The following ADCK5 variants were observed in gnomAD, a reference collection of about 807,000 sequenced individuals.
ADCK5 encodes the protein uncharacterized aarF domain-containing protein kinase 5.
ADCK5 carries 43 observed loss-of-function variants against 64.9 expected under a neutral mutation model. That is an observed-to-expected ratio of 0.66 (90% CI 0.52 to 0.85). The LOEUF (loss-of-function observed/expected upper bound fraction) is 0.85, where lower values mean the gene tolerates loss of function less well. ADCK5 is among the 40% of genes least tolerant of loss of function. The probability of loss-of-function intolerance (pLI) is 0.00; values close to 1 mark genes in which losing one functional copy is unlikely to be tolerated. For missense variants in ADCK5, 760 were observed against 810.5 expected (o/e 0.94, Z 0.76); for synonymous variants, 434 against 342.8 (o/e 1.27, Z -2.94).
At chr8:144,380,214 G>C (rs1586577710) in intron 2 of ADCK5, among the ~76,000 whole-genome samples, 1 of 151,776 alleles carries the variant, frequency 6.6e-6, no homozygotes, top group Admixed American at 6.6e-5. Flanking sequence ...TCAGGCACCT[G>C]CTGCACTAAG....
At chr8:144,392,207 C>T (rs1554861050) in intron 11 of ADCK5, 37 bp downstream of exon 11, 1 of 1,548,796 alleles carries the variant, frequency 6.5e-7, no homozygotes. Context: ...CAGGGCAAGC[C>T]TCTCCTGCCG....
At chr8:144,373,172 C>T (rs576130749), upstream of ADCK5, 24 of 152,642 alleles carry the variant, frequency 1.6e-4, no homozygotes, top group African/African-American at 5.5e-4. Flanking sequence ...GTTTCATGCT[C>T]ACAGTGGGGT....
intron 2 of ADCK5, among the ~76,000 whole-genome samples, chr8:144,382,719 G>C (rs1011861997): frequency 2.6e-5 from 4 of 152,206 alleles, no homozygotes; most frequent in Non-Finnish European, 5.9e-5. Context: ...CGAGGTGGAC[G>C]GTGGTTGTGA....
chr8:144,387,978 C>T (rs868940544), intron 3 of ADCK5, among the ~76,000 whole-genome samples: 13 of 146,930 alleles, frequency 8.8e-5, no homozygotes, highest in African/African-American at 2.8e-4. Context: ...GGGATCCGCC[C>T]GCCTTGGCCT....
chr8:144,379,093 C>T (rs1314726104), intron 1 of ADCK5, among the ~76,000 whole-genome samples: 2 of 151,902 alleles, frequency 1.3e-5, no homozygotes, highest in East Asian at 3.9e-4. Context: ...ACCACTATGC[C>T]CAACTAATTT....
intron 1 of ADCK5, chr8:144,375,768 G>C (rs1439329809): frequency 1.5e-6 from 1 of 676,956 alleles, no homozygotes; most frequent in African/African-American, 2.0e-5. Flanking sequence ...AGCATGAGAG[G>C]TTCTGACAGG....
chr8:144,392,418 T>TG (rs2130736030), intron 12 of ADCK5, 27 bp from the exon 13 acceptor site: 89 of 797,362 alleles, frequency 1.1e-4, no homozygotes, highest in Non-Finnish European at 1.4e-4. Context: ...CAGAGCCCCC[T>TG]CCCTCCCTCC....
Position 144,392,354 on chromosome 8 carries a change from G to A in ADCK5, c.1267+9G>A, listed in dbSNP as rs1421774541. On this transcript the variant is annotated intron_variant, in intron 12 of 14. Transcript: ENST00000308860. ...CGCACTGGGGGTGCAAGGTGAGGGC[G>A]TGCGGGGATGGCTGGGGCACCACAG... is the stretch of plus-strand genomic sequence containing the variant. The A allele has an allele frequency of 3.4e-6, 5 of 1,489,166 alleles. No individual in the cohort carries two copies. Among genetic ancestry groups the A allele is most frequent in the East Asian group, 4.9e-5 (2 of 40,468 alleles). 92.2% of individuals were successfully genotyped at this position (1,489,166 alleles called of 1,614,324 possible). A position where few individuals can be genotyped will look rare whatever the true frequency, so the allele number is the denominator to read the frequency against.
intron 3 of ADCK5, among the ~76,000 whole-genome samples, chr8:144,385,045 C>T (rs1411132863): frequency 6.6e-6 from 1 of 152,040 alleles, no homozygotes; most frequent in Non-Finnish European, 1.5e-5. Context: ...GGTGCCAGTG[C>T]ACCATGAGAA....
chr8:144,375,123 G>T (rs1273678082), intron 1 of ADCK5, among the ~76,000 whole-genome samples: 1 of 152,256 alleles, frequency 6.6e-6, no homozygotes, highest in Non-Finnish European at 1.5e-5. Context: ...GGCCTTCAGT[G>T]CAGCTCCTTC....
chr8:144,373,762 G>C (rs901706769), upstream of ADCK5: 20 of 318,980 alleles, frequency 6.3e-5, no homozygotes, highest in Non-Finnish European at 8.6e-5. Context: ...GAAGCCCTCA[G>C]CCCTCCCCGG....
At chr8:144,383,253 A>C in intron 3 of ADCK5, 23 bp downstream of exon 3, 1 of 1,548,682 alleles carries the variant, frequency 6.5e-7, no homozygotes, top group Non-Finnish European at 8.7e-7. Context: ...GGCGGCAGGC[A>C]GGGGTTGCGG....
At chr8:144,374,654 C>A (rs1011759852) in intron 1 of ADCK5, among the ~76,000 whole-genome samples, 3 of 152,176 alleles carry the variant, frequency 2.0e-5, no homozygotes, top group Non-Finnish European at 4.4e-5. Flanking sequence ...ATCACGGACG[C>A]CTCCCTGCCC....
chr8:144,383,187 A>G lies in ADCK5; in HGVS notation c.223A>G (p.Arg75Gly). The change falls in exon 3 of 15, where the codon AGG becomes GGG. Residue 75 changes from arginine (R) to glycine (G), a missense_variant. This residue lies in a region of ADCK5 where 427 missense variants were observed against 518.4 expected (regional missense o/e 0.82). Coordinates refer to ENST00000308860, the MANE Select transcript of ADCK5 (RefSeq NM_174922.5). ...RYVMAEAREK[R>G]RMRLVVDGMG... is the part of the protein sequence containing the mutation. The stretch of plus-strand genomic sequence containing the variant: ...TGTCATGGCAGAGGCACGGGAGAAG[A>G]GGAGGATGCGGCTCGTGGTGGATGG... 1 of 1,601,616 alleles carries G rather than the reference A, an allele frequency of 6.2e-7. No individual in the cohort carries two copies. Among genetic ancestry groups the G allele is most frequent in the Non-Finnish European group, 8.5e-7 (1 of 1,173,694 alleles).
In ADCK5 at chr8:144,391,604, G is replaced by T; in HGVS notation, c.823G>T (p.Glu275Ter). 1 of 1,573,868 alleles carries T rather than the reference G, an allele frequency of 6.4e-7. No individual in the cohort carries two copies. Among genetic ancestry groups the T allele is most frequent in the East Asian group, 2.3e-5 (1 of 43,548 alleles). ...GGACCTGAAGGGGACCCTGGCCCAGGAGCTGGACTTCGAGAATGAGGGCCG... is the reference window on the plus strand; with the variant it reads ...GGACCTGAAGGGGACCCTGGCCCAGTAGCTGGACTTCGAGAATGAGGGCCG... ...LQDLKGTLAQ[E>*]LDFENEGRNA... The change falls in exon 8 of 15, where the codon GAG (glutamate) becomes TAG (stop). Residue 275 changes from glutamate to a stop codon, truncating the protein, a stop_gained. Transcript: ENST00000308860. LOFTEE classifies it high-confidence loss of function.
In ADCK5 at chr8:144,392,804, G is replaced by T; in HGVS notation, c.1549G>T (p.Gly517Cys). The T allele has an allele frequency of 6.3e-7, 1 of 1,592,452 alleles. No homozygotes were observed. Residue 517 changes from glycine to cysteine, a missense_variant, in exon 14 of 15, where the codon GGC becomes TGC. This residue lies in a region of ADCK5 where 333 missense variants were observed against 292.0 expected (regional missense o/e 1.14). Transcript: ENST00000308860. ...RAVRGWSRLA[G>C]ATYRGVYGTS... ...TGTCCGGGGCTGGAGCCGCCTGGCG[G>T]GCGCCACGTATCGGGGTGTCTACGG...
Position 144,391,611 on chromosome 8 carries a change from A to C in ADCK5, c.830A>C (p.Asp277Ala). Reference sequence around the variant, plus strand: ...AAGGGGACCCTGGCCCAGGAGCTGGACTTCGAGAATGAGGGCCGCAACGCA... The same window carrying C: ...AAGGGGACCCTGGCCCAGGAGCTGGCCTTCGAGAATGAGGGCCGCAACGCA... ...DLKGTLAQEL[D>A]FENEGRNAER... The change falls in exon 8 of 15, where the codon GAC becomes GCC. Residue 277 changes from aspartate to alanine, a missense_variant. This residue lies in a region of ADCK5 where 427 missense variants were observed against 518.4 expected (regional missense o/e 0.82). Transcript: ENST00000308860. 1 of 1,571,328 alleles carries C rather than the reference A, an allele frequency of 6.4e-7. No homozygotes were observed. The highest frequency in any genetic ancestry group is 1.3e-5 in the African/African-American group (1 of 74,510).
intron 3 of ADCK5, among the ~76,000 whole-genome samples, chr8:144,388,375 A>G (rs1446040103): frequency 6.6e-6 from 1 of 151,300 alleles, no homozygotes; most frequent in Non-Finnish European, 1.5e-5. Flanking sequence ...AAAAAAAATT[A>G]AATTCCTTCT....
chr8:144,391,845 C>T lies in ADCK5; in HGVS notation c.993C>T (p.Ser331=). Residue 331 remains serine (S), a synonymous_variant, in exon 9 of 15, where the codon AGC becomes AGT. Transcript: ENST00000308860. The part of the protein sequence containing the change: ...CKVNDVEAIR[S]QGLAVHDIAE... ...TCAACGATGTGGAGGCCATCAGGAG[C>T]CAGGGGCTGGCAGTGCATGACGTGA... 1.3e-6 allele frequency: 2 copies of T among 1,552,808 alleles called. No individual in the cohort carries two copies. Among genetic ancestry groups the T allele is most frequent in the South Asian group, 1.2e-5 (1 of 86,478 alleles).
Sources: allele counts gnomAD v4.1 joint callset (sites outside exome capture counted in the v4.1 genomes callset), GRCh38; gene constraint gnomAD v4.1.1; regional missense constraint gnomAD v4.1.1; transcripts MANE v1.5; gene names NCBI Gene and HGNC (gene_info 2026-07-23, HGNC 2026-07-21).